The following NREP variants were observed in gnomAD, a reference collection of about 807,000 sequenced individuals.
NREP encodes the protein neuronal regeneration related protein.
A neutral mutation model predicts 8.6 loss-of-function variants in NREP; 5 were observed. That is an observed-to-expected ratio of 0.58 (90% CI 0.30 to 1.22). The LOEUF (loss-of-function observed/expected upper bound fraction) is 1.22. Among genes scored for constraint, NREP ranks in the 50% most tolerant of loss-of-function variants. The pLI is 0.07. For missense variants in NREP, 86 were observed against 82.5 expected, an observed-to-expected ratio of 1.04 and a Z score of -0.17; for synonymous variants, 27 against 28.0, an observed-to-expected ratio of 0.96 and a Z score of 0.11.
chr5:111,905,118 C>T (rs571269953), intron 2 of NREP, among the ~76,000 whole-genome samples: 1 of 152,188 alleles, frequency 6.6e-6, no homozygotes, highest in African/African-American at 2.4e-5. Context: ...TGTTATTTCT[C>T]CTATATGCCT....
At chr5:111,738,451 C>G (rs550953164) in intron 2 of NREP, 2 of 152,318 alleles carry the variant, frequency 1.3e-5, no homozygotes, top group South Asian at 2.1e-4. Context: ...TTTGCCTCTT[C>G]TTCTCATCGG....
intron 2 of NREP, among the ~76,000 whole-genome samples, chr5:111,874,840 G>A (rs901582499): frequency 5.3e-5 from 8 of 152,092 alleles, no homozygotes; most frequent in Admixed American, 3.3e-4. Context: ...GAACTAAATA[G>A]GATGATTCAG....
chr5:111,940,302 A>C lies in NREP; in HGVS notation c.135+34972T>G, dbSNP rs182582168. 1.7e-3 allele frequency among the ~76,000 whole-genome samples: 263 copies of C among 152,226 alleles called. 2 individuals carry two copies. The highest frequency in any genetic ancestry group is 5.7e-3 in the African/African-American group (239 of 41,566). ...TAAGGATAGGGATAAAAGATAAAAC[A>C]AAAACAGTTCTTGAAATACTGTTCC... On this transcript the variant is annotated intron_variant, in intron 2 of 3. Transcript: ENST00000395634.
At position 111,878,249 on chromosome 5, in the gene NREP, T is replaced by A. The variant is rs1002153223; in HGVS notation, c.135+97025A>T. ...TAGTTCATTCTCTCATTGCTATAAC[T>A]GCCCAAGACTGGGTAATTTATGAAG... On this transcript the variant is annotated intron_variant, in intron 2 of 3. Transcript: ENST00000395634. Among the ~76,000 whole-genome samples, 31 of 152,322 alleles carry A rather than the reference T, an allele frequency of 2.0e-4. No homozygotes were observed. In the South Asian group the frequency reaches 6.4e-3, roughly 32 times the overall value.
At chr5:111,938,360 A>T (rs867051202) in intron 2 of NREP, among the ~76,000 whole-genome samples, 5 of 152,044 alleles carry the variant, frequency 3.3e-5, no homozygotes, top group African/African-American at 1.2e-4. Flanking sequence ...ATAAGCCAAA[A>T]CTACCCAGAT....
In NREP at chr5:111,730,765, C is replaced by T. The variant is rs60138406; in HGVS notation, c.*156G>A. The T allele has an allele frequency of 0.031, 24,177 of 791,420 alleles. 790 individuals are homozygous for T. The highest frequency in any genetic ancestry group is 0.13 in the Admixed American group (5,232 of 39,896). The allele number at this position is 791,420 out of a possible 1,614,324, so 49.0% of individuals were successfully genotyped here. A position where few individuals can be genotyped will look rare whatever the true frequency, so the allele number is the denominator to read the frequency against. ...GAATGATTAAAAACTGGTTTGATGA[C>T]ACCTATTTGTCCACTGTAAATTCTC... On this transcript the variant is annotated 3_prime_UTR_variant, in exon 4 of 4. Transcript: ENST00000257435.
intron 2 of NREP, among the ~76,000 whole-genome samples, chr5:111,743,408 G>A (rs1392227627): frequency 6.6e-6 from 1 of 152,056 alleles, no homozygotes; most frequent in Non-Finnish European, 1.5e-5. Flanking sequence ...TTACCTCCCT[G>A]GAGTGGAACC....
intron 2 of NREP, among the ~76,000 whole-genome samples, chr5:111,815,364 T>C (rs979882943): frequency 3.9e-5 from 6 of 152,184 alleles, no homozygotes; most frequent in Admixed American, 1.3e-4. Context: ...CTCTAATTTC[T>C]CTCTAGAAGA....
At chr5:111,868,228 G>GT (rs1753711700) in intron 2 of NREP, among the ~76,000 whole-genome samples, 1 of 152,036 alleles carries the variant, frequency 6.6e-6, no homozygotes, top group Non-Finnish European at 1.5e-5. Flanking sequence ...TTCCAAATGT[G>GT]TTTTACCAAA....
chr5:111,826,252 C>T (rs1332225984), intron 2 of NREP, among the ~76,000 whole-genome samples: 1 of 152,138 alleles, frequency 6.6e-6, no homozygotes, highest in Admixed American at 6.5e-5. Flanking sequence ...GTAAAATGGA[C>T]CAATCAGCTC....
chr5:111,927,809 C>A (rs866528964), intron 2 of NREP, among the ~76,000 whole-genome samples: 21 of 152,248 alleles, frequency 1.4e-4, no homozygotes, highest in Middle Eastern at 3.4e-3. Context: ...TCAAAAACCT[C>A]TTTGGGAAAG....
At chr5:111,955,088 G>A (rs1002957758) in intron 2 of NREP, among the ~76,000 whole-genome samples, 13 of 152,126 alleles carry the variant, frequency 8.5e-5, no homozygotes, top group African/African-American at 2.2e-4. Flanking sequence ...GTCTCCATTC[G>A]TTGATATTCT....
intron 2 of NREP, among the ~76,000 whole-genome samples, chr5:111,779,207 T>G (rs1334071371): frequency 6.6e-6 from 1 of 152,270 alleles, no homozygotes; most frequent in East Asian, 1.9e-4. Flanking sequence ...AGCTTATTGC[T>G]GTGTTGTTGG....
intron 2 of NREP, among the ~76,000 whole-genome samples, chr5:111,772,938 T>C (rs909566681): frequency 1.3e-5 from 2 of 151,478 alleles, no homozygotes; most frequent in African/African-American, 4.8e-5. Flanking sequence ...AATAGCAAAA[T>C]GATGATATTC....
intron 2 of NREP, among the ~76,000 whole-genome samples, chr5:111,854,812 A>G (rs929915872): frequency 3.9e-5 from 6 of 152,160 alleles, no homozygotes; most frequent in Admixed American, 2.0e-4. Flanking sequence ...CCCAGAAATA[A>G]CCACTGCTAT....
At chr5:111,780,443 T>C (rs995821635) in intron 2 of NREP, among the ~76,000 whole-genome samples, 5 of 152,132 alleles carry the variant, frequency 3.3e-5, no homozygotes, top group African/African-American at 9.7e-5. Context: ...GAAAGAGTCA[T>C]AGAGCTTTTT....
At chr5:111,740,429 A>C (rs1207151852) in intron 2 of NREP, among the ~76,000 whole-genome samples, 1 of 152,118 alleles carries the variant, frequency 6.6e-6, no homozygotes, top group Admixed American at 6.6e-5. Context: ...TACAAATTGG[A>C]AATAAAATAC....
chr5:111,882,268 G>A (rs1157089010), intron 2 of NREP, among the ~76,000 whole-genome samples: 2 of 152,100 alleles, frequency 1.3e-5, no homozygotes, highest in Non-Finnish European at 2.9e-5. Context: ...AGCAAGAAGG[G>A]AAGTTTAGAG....
intron 2 of NREP, among the ~76,000 whole-genome samples, chr5:111,809,738 C>A (rs939514254): frequency 6.6e-6 from 1 of 152,148 alleles, no homozygotes; most frequent in Non-Finnish European, 1.5e-5. Flanking sequence ...ACTAAATAAA[C>A]CTTTTTTTAA....
Sources: allele counts gnomAD v4.1 joint callset (sites outside exome capture counted in the v4.1 genomes callset), GRCh38; gene constraint gnomAD v4.1.1; transcripts MANE v1.5; gene names NCBI Gene and HGNC (gene_info 2026-07-23, HGNC 2026-07-21).